Variants in FHDC1 observed in about 807,000 individuals in gnomAD.
FHDC1 encodes the protein FH2 domain-containing protein 1.
FHDC1 carries 25 observed loss-of-function variants against 52.6 expected under a neutral mutation model. The observed-to-expected ratio is 0.48, with a 90% CI of 0.35 to 0.66. The LOEUF (loss-of-function observed/expected upper bound fraction) is 0.66, where lower values mean the gene tolerates loss of function less well. FHDC1 is among the 30% of genes least tolerant of loss of function. The pLI, the probability that FHDC1 is intolerant of heterozygous loss-of-function variation, is 0.01. For synonymous variants in FHDC1, 616 were observed against 581.5 expected, an observed-to-expected ratio of 1.06 and a Z score of -0.85; for missense variants, 1,459 against 1,452.8, an observed-to-expected ratio of 1.00 and a Z score of -0.07.
chr4:152,971,988 C>T (rs1740652912), intron 10 of FHDC1, among the ~76,000 whole-genome samples: 1 of 152,128 alleles, frequency 6.6e-6, no homozygotes, highest in African/African-American at 2.4e-5. Flanking sequence ...AACTCTTGAC[C>T]AGTGTAAGAC....
chr4:152,918,276 C>G, the FHDC1 span: 3 of 152,222 alleles, frequency 2.0e-5, no homozygotes, highest in African/African-American at 7.2e-5. Flanking sequence ...CTAGGAAGAA[C>G]TCTGCCTGTT....
intron 2 of FHDC1, among the ~76,000 whole-genome samples, chr4:152,952,180 T>C (rs1373525435): frequency 6.6e-6 from 1 of 152,204 alleles, no homozygotes; most frequent in Non-Finnish European, 1.5e-5. Context: ...GTAAACTTTT[T>C]GAATGAAATG....
At position 152,954,294 on chromosome 4, in the gene FHDC1, T is replaced by A. The variant is rs772035417; in HGVS notation, c.638T>A (p.Leu213His). The change falls in exon 4 of 12, where the codon CTT (leucine) becomes CAT (histidine). Residue 213 changes from leucine (L) to histidine (H), a missense_variant. Leu to His is a moderately conservative substitution (Grantham distance 99, BLOSUM62 -3). This residue lies in a region of FHDC1 where 513 missense variants were observed against 581.5 expected (regional missense o/e 0.88). Transcript: ENST00000511601. Reference sequence around the variant, plus strand: ...GGATCAGAGACCTTGCGAGAATTTCTTAAGTTTTTGCCAGAGTCAGAAGAG... The same window carrying A: ...GGATCAGAGACCTTGCGAGAATTTCATAAGTTTTTGCCAGAGTCAGAAGAG... Reference protein sequence around the residue: ...HYGSETLREFLKFLPESEEVK... With the variant: ...HYGSETLREFHKFLPESEEVK... 6.2e-7 allele frequency: 1 copy of A among 1,614,140 alleles called. No homozygotes were observed. The highest frequency in any genetic ancestry group is 1.1e-5 in the South Asian group (1 of 91,082).
the FHDC1 span, among the ~76,000 whole-genome samples, chr4:152,914,892 T>G: frequency 2.9e-3 from 420 of 142,978 alleles, 3 homozygotes; most frequent in African/African-American, 0.01. Flanking sequence ...CTGTAAAAAC[T>G]TTTTTTTTTT....
intron 8 of FHDC1, 91 bp downstream of exon 8, chr4:152,963,221 G>T: frequency 8.6e-7 from 1 of 1,165,752 alleles, no homozygotes; most frequent in South Asian, 1.3e-5. Context: ...GTGTCCAGCA[G>T]GGTTAGGAAA....
intron 9 of FHDC1, among the ~76,000 whole-genome samples, chr4:152,965,185 C>A (rs889151237): frequency 1.3e-5 from 2 of 152,132 alleles, no homozygotes; most frequent in African/African-American, 4.8e-5. Flanking sequence ...ACTAAAGAAA[C>A]TATTTCAGTC....
In FHDC1 at chr4:152,975,732, A is replaced by G. The variant is rs1172702844; in HGVS notation, c.2441A>G (p.Glu814Gly). Reference protein sequence around the residue: ...GDGSMSSGVGEMGDSQVSSNP... With the variant: ...GDGSMSSGVGGMGDSQVSSNP... ...GGCTCCATGTCCTCTGGGGTTGGAGAAATGGGGGACAGCCAAGTCTCCTCC... is the reference window on the plus strand; with the variant it reads ...GGCTCCATGTCCTCTGGGGTTGGAGGAATGGGGGACAGCCAAGTCTCCTCC... The change falls in exon 12 of 12, where the codon GAA becomes GGA. Residue 814 changes from glutamate (E) to glycine (G), a missense_variant. By Grantham distance (98) the Glu-to-Gly change is moderately conservative. Coordinates refer to ENST00000511601, the MANE Select transcript of FHDC1 (RefSeq NM_001371116.1). The G allele has an allele frequency of 6.3e-7, 1 of 1,594,090 alleles. No individual in the cohort carries two copies. The highest frequency in any genetic ancestry group is 8.6e-7 in the Non-Finnish European group (1 of 1,167,826).
Position 152,975,527 on chromosome 4 carries a change from C to G in FHDC1, c.2236C>G (p.Pro746Ala). 1.2e-6 allele frequency: 2 copies of G among 1,613,534 alleles called. No individual in the cohort carries two copies. Among genetic ancestry groups the G allele is most frequent in the Non-Finnish European group, 1.7e-6 (2 of 1,180,020 alleles). The change falls in exon 12 of 12, where the codon CCC (proline) becomes GCC (alanine). Residue 746 changes from proline (P) to alanine (A), a missense_variant. Pro to Ala is a conservative substitution (Grantham distance 27). Around this residue, in one of 3 missense-constraint regions of FHDC1, gnomAD observed 939 missense variants for 854.5 expected, o/e 1.10. Transcript: ENST00000511601. ...AGCGCTGGAGGATGGCAAGGCTGCC[C>G]CCGATGAGCCTGGAAGTGCAGCTTT... ...SPALEDGKAA[P>A]DEPGSAALGS...
chr4:152,958,728 C>G (rs7438787), intron 4 of FHDC1, among the ~76,000 whole-genome samples: 60,624 of 151,732 alleles, frequency 0.4, 12,376 homozygotes, highest in South Asian at 0.59. Context: ...AACTCTAGCT[C>G]AGAAGGGATT....
the FHDC1 span, among the ~76,000 whole-genome samples, chr4:152,913,837 C>G: frequency 1.1e-4 from 16 of 152,070 alleles, no homozygotes; most frequent in Non-Finnish European, 2.1e-4. Flanking sequence ...TGCGCCACCA[C>G]GCCTGGCTTA....
chr4:152,942,874 C>G (rs1160010860), intron 1 of FHDC1, 54 bp from the exon 2 acceptor site: 1 of 625,620 alleles, frequency 1.6e-6, no homozygotes, highest in African/African-American at 1.8e-5. Context: ...AAGGGAAATG[C>G]TGATGCGAAA....
At chr4:152,927,595 C>T in the FHDC1 span, 3 of 1,605,448 alleles carry the variant, frequency 1.9e-6, no homozygotes, top group Non-Finnish European at 2.6e-6. Flanking sequence ...AGGTTTATGA[C>T]CCTCGATCTC....
chr4:152,950,540 C>T (rs963652513), intron 2 of FHDC1, among the ~76,000 whole-genome samples: 2 of 152,206 alleles, frequency 1.3e-5, no homozygotes, highest in Non-Finnish European at 2.9e-5. Flanking sequence ...GTTTCTGAAA[C>T]ACAGCTTGAG....
intron 4 of FHDC1, among the ~76,000 whole-genome samples, chr4:152,958,426 T>C (rs151205611): frequency 7.0e-4 from 106 of 152,338 alleles, no homozygotes; most frequent in African/African-American, 2.5e-3. Flanking sequence ...CATCTTGAAA[T>C]TGAACAAAGA....
intron 6 of FHDC1, among the ~76,000 whole-genome samples, chr4:152,962,370 C>A (rs1201848811): frequency 6.6e-6 from 1 of 152,172 alleles, no homozygotes; most frequent in African/African-American, 2.4e-5. Context: ...AACTCATTGA[C>A]TAAGCAAAAC....
At chr4:152,961,550 G>A (rs537305723) in intron 6 of FHDC1, among the ~76,000 whole-genome samples, 3 of 152,294 alleles carry the variant, frequency 2.0e-5, no homozygotes, top group South Asian at 2.1e-4. Flanking sequence ...GAATCCCGGC[G>A]GAGTTGCAGC....
At chr4:152,949,121 TAATAAGAAGAAG>T (rs1217702884) in intron 2 of FHDC1, among the ~76,000 whole-genome samples, 139 of 65,468 alleles carry the variant, frequency 2.1e-3, no homozygotes, top group African/African-American at 5.0e-3. Flanking sequence ...ATAATAATAA[TAATAAGAAGAAG>T]AAGAAGAAGA....
chr4:152,964,784 G>A (rs574515031), intron 8 of FHDC1, 121 bp from the exon 9 acceptor site: 1 of 748,458 alleles, frequency 1.3e-6, no homozygotes, highest in Non-Finnish European at 2.2e-6. Context: ...TCAGTGAAAT[G>A]CTTTGAATGT....
At chr4:152,949,651 T>A (rs1739862077) in intron 2 of FHDC1, among the ~76,000 whole-genome samples, 1 of 152,040 alleles carries the variant, frequency 6.6e-6, no homozygotes, top group Admixed American at 6.6e-5. Flanking sequence ...AAGAGCTGAT[T>A]TGGAGGTTTT....
Sources: allele counts gnomAD v4.1 joint callset (sites outside exome capture counted in the v4.1 genomes callset), GRCh38; gene constraint gnomAD v4.1.1; regional missense constraint gnomAD v4.1.1; transcripts MANE v1.5; gene names NCBI Gene and HGNC (gene_info 2026-07-23, HGNC 2026-07-21).